The following AP3S2 variants were observed in gnomAD, a reference collection of about 807,000 sequenced individuals.
The protein encoded by AP3S2 is adaptor related protein complex 3 subunit sigma 2, also known as AP-3 complex subunit sigma-2.
In AP3S2, 22 loss-of-function variants were observed where a neutral mutation model predicts 23.4. The observed-to-expected ratio is 0.94, with a 90% CI of 0.67 to 1.34. The LOEUF (loss-of-function observed/expected upper bound fraction) is 1.34, where lower values mean the gene tolerates loss of function less well. AP3S2 is among the 40% of genes most tolerant of loss of function. The pLI, the probability that AP3S2 is intolerant of heterozygous loss-of-function variation, is 0.00. For missense variants in AP3S2, 241 were observed against 236.9 expected (o/e 1.02, Z -0.11); for synonymous variants, 86 against 87.1 (o/e 0.99, Z 0.07).
At chr15:89,835,668 T>G in intron 5 of AP3S2, 25 bp from the exon 6 acceptor site, 1 of 1,567,336 alleles carries the variant, frequency 6.4e-7, no homozygotes. Context: ...GAGGCGAGTA[T>G]GAGACAAATT....
At chr15:89,856,203 C>T (rs1243746587) in intron 4 of AP3S2, among the ~76,000 whole-genome samples, 1 of 152,056 alleles carries the variant, frequency 6.6e-6, no homozygotes, top group African/African-American at 2.4e-5. Flanking sequence ...GAGCCCACCC[C>T]GAAACTAGCC....
At chr15:89,843,810 G>GAAACAAAAACAA (rs746386313) in intron 4 of AP3S2, among the ~76,000 whole-genome samples, 1 of 152,040 alleles carries the variant, frequency 6.6e-6, no homozygotes, top group South Asian at 2.1e-4. Context: ...CTCCGTCTCA[G>GAAACAAAAACAA]AAACAAAAAC....
intron 4 of AP3S2, among the ~76,000 whole-genome samples, chr15:89,844,061 A>C (rs74855719): frequency 0.011 from 1,617 of 152,346 alleles, 38 homozygotes; most frequent in African/African-American, 0.037. Context: ...GATAGCATTT[A>C]AAACTAAAGT....
intron 3 of AP3S2, among the ~76,000 whole-genome samples, chr15:89,879,219 G>A (rs979903327): frequency 3.9e-5 from 6 of 152,360 alleles, no homozygotes; most frequent in Admixed American, 3.9e-4. Context: ...GAGGTTATGG[G>A]TAAACAGATA....
At chr15:89,868,225 C>A (rs1183844086) in intron 4 of AP3S2, among the ~76,000 whole-genome samples, 2 of 56,364 alleles carry the variant, frequency 3.5e-5, no homozygotes, top group African/African-American at 1.2e-4. Context: ...GGGGGGTCAG[C>A]CCTCCGCCCG....
chr15:89,846,642 T>C (rs1475134070), intron 4 of AP3S2, among the ~76,000 whole-genome samples: 1 of 152,200 alleles, frequency 6.6e-6, no homozygotes, highest in Non-Finnish European at 1.5e-5. Context: ...TTCTCCTGCC[T>C]CAGCCTCCCG....
At chr15:89,864,630 G>A (rs28391025) in intron 4 of AP3S2, among the ~76,000 whole-genome samples, 2,952 of 151,166 alleles carry the variant, frequency 0.02, 77 homozygotes, top group African/African-American at 0.053. Context: ...GTGTGATCTC[G>A]GCTGCCGGGT....
intron 4 of AP3S2, among the ~76,000 whole-genome samples, chr15:89,844,248 T>TC: frequency 2.0e-5 from 1 of 50,634 alleles, no homozygotes; most frequent in African/African-American, 6.7e-5. Flanking sequence ...TCTTTCTTTC[T>TC]TTCTTTCTTT....
chr15:89,853,004 G>C (rs1315016569), intron 4 of AP3S2, among the ~76,000 whole-genome samples: 2 of 152,144 alleles, frequency 1.3e-5, no homozygotes, highest in African/African-American at 4.8e-5. Flanking sequence ...CCTTTTGGCA[G>C]TGGTCCCCAA....
At chr15:89,883,118 TTTA>T (rs1896610904) in intron 3 of AP3S2, among the ~76,000 whole-genome samples, 3 of 152,238 alleles carry the variant, frequency 2.0e-5, no homozygotes, top group Admixed American at 1.3e-4. Context: ...CTAACTATCC[TTTA>T]TTATTACTGT....
rs1302880805 is a variant in AP3S2 at position 89,834,125 on chromosome 15, C to G, written c.*1390G>C. On this transcript the variant is annotated 3_prime_UTR_variant, in exon 6 of 6. Coordinates refer to ENST00000336418, the MANE Select transcript of AP3S2 (RefSeq NM_005829.5). The stretch of plus-strand genomic sequence containing the variant: ...CACCTGAGGGAACAGAGCGTGCCCA[C>G]AAGCAGACCTTGGGGAGGGAGAAGA... 2 of 152,334 alleles carry G rather than the reference C, an allele frequency of 1.3e-5. No homozygotes were observed. Among genetic ancestry groups the G allele is most frequent in the African/African-American group, 4.8e-5 (2 of 41,452 alleles). The allele number at this position is 152,334 out of a possible 1,614,324, so 9.4% of individuals were successfully genotyped here.
chr15:89,834,443 G>C lies in AP3S2; in HGVS notation c.*1072C>G, dbSNP rs969801899. 1 of 152,386 alleles carries C rather than the reference G, an allele frequency of 6.6e-6. No individual in the cohort carries two copies. Among genetic ancestry groups the C allele is most frequent in the South Asian group, 2.1e-4 (1 of 4,832 alleles). 9.4% of individuals were successfully genotyped at this position (152,386 alleles called of 1,614,324 possible). A position where few individuals can be genotyped will look rare whatever the true frequency, so the allele number is the denominator to read the frequency against. On this transcript the variant is annotated 3_prime_UTR_variant, in exon 6 of 6. Coordinates refer to ENST00000336418, the MANE Select transcript of AP3S2 (RefSeq NM_005829.5). ...GGACCTCTGGCATGTGTGGGTGTGTGGTGGGTCCCTCTCCCTATTAGCAGA... is the reference window on the plus strand; with the variant it reads ...GGACCTCTGGCATGTGTGGGTGTGTCGTGGGTCCCTCTCCCTATTAGCAGA...
At chr15:89,858,545 G>GA (rs1567178837) in intron 4 of AP3S2, among the ~76,000 whole-genome samples, 2 of 148,932 alleles carry the variant, frequency 1.3e-5, no homozygotes, top group Non-Finnish European at 3.0e-5. Flanking sequence ...AAGAAAGAAA[G>GA]AAAGAAAGAA....
chr15:89,832,129 T>A lies in AP3S2; in HGVS notation c.*3386A>T, dbSNP rs1486619401. 3 of 152,128 alleles carry A rather than the reference T, an allele frequency of 2.0e-5. No individual in the cohort carries two copies. Among genetic ancestry groups the A allele is most frequent in the Admixed American group, 6.6e-5 (1 of 15,258 alleles). 9.4% of individuals were successfully genotyped at this position (152,128 alleles called of 1,614,324 possible). On this transcript the variant is annotated 3_prime_UTR_variant, in exon 6 of 6. Coordinates refer to ENST00000336418, the MANE Select transcript of AP3S2 (RefSeq NM_005829.5). ...ATAATGAAAGAATTTCAGATTTTTA[T>A]TAGTGGCAGTGAGCACTGAAAACCC... is the stretch of plus-strand genomic sequence containing the variant.
At chr15:89,884,331 A>C (rs1230989401) in intron 3 of AP3S2, among the ~76,000 whole-genome samples, 2 of 152,130 alleles carry the variant, frequency 1.3e-5, no homozygotes, top group Non-Finnish European at 2.9e-5. Context: ...ACAATGTATA[A>C]TTCTTCTATT....
chr15:89,868,931 C>T (rs1202648540), intron 4 of AP3S2, among the ~76,000 whole-genome samples: 3 of 132,284 alleles, frequency 2.3e-5, no homozygotes, highest in South Asian at 2.6e-4. Context: ...CCAGCCGCCC[C>T]GTCCGGGAGG....
At chr15:89,863,889 A>G (rs758928291) in intron 4 of AP3S2, among the ~76,000 whole-genome samples, 5 of 152,204 alleles carry the variant, frequency 3.3e-5, no homozygotes, top group Non-Finnish European at 5.9e-5. Flanking sequence ...ATCATTTTCT[A>G]TTATCAACAG....
rs1262362721 is a variant in AP3S2, at chr15:89,831,073, G to C, written c.*4442C>G. ...ACAGACTTTTGTTTTCTTAAGTTTTGAACTACATGAATGTATTTCCTTTTT... is the reference window on the plus strand; with the variant it reads ...ACAGACTTTTGTTTTCTTAAGTTTTCAACTACATGAATGTATTTCCTTTTT... On this transcript the variant is annotated 3_prime_UTR_variant, in exon 6 of 6. Coordinates refer to ENST00000336418, the MANE Select transcript of AP3S2 (RefSeq NM_005829.5). 6.6e-5 allele frequency: 10 copies of C among 152,518 alleles called. No homozygotes were observed. Among genetic ancestry groups the C allele is most frequent in the African/African-American group, 1.4e-4 (6 of 41,432 alleles). 9.4% of individuals were successfully genotyped at this position (152,518 alleles called of 1,614,324 possible).
At chr15:89,880,965 TGAAG>T (rs1396032830) in intron 3 of AP3S2, among the ~76,000 whole-genome samples, 1 of 152,212 alleles carries the variant, frequency 6.6e-6, no homozygotes, top group Admixed American at 6.5e-5. Context: ...CTAAGTGCCC[TGAAG>T]GAAGTAAACA....
Sources: allele counts gnomAD v4.1 joint callset (sites outside exome capture counted in the v4.1 genomes callset), GRCh38; gene constraint gnomAD v4.1.1; transcripts MANE v1.5; gene names NCBI Gene and HGNC (gene_info 2026-07-23, HGNC 2026-07-21).